The following MACROD2 variants were observed in gnomAD, a reference collection of about 807,000 sequenced individuals.
MACROD2 encodes ADP-ribose glycohydrolase MACROD2.
Under a neutral mutation model 70.4 loss-of-function variants are expected in MACROD2, and 36 were observed. The observed-to-expected ratio is 0.51, with a 90% CI of 0.39 to 0.68. The LOEUF (loss-of-function observed/expected upper bound fraction) is 0.68, where lower values mean the gene tolerates loss of function less well. Ranked by LOEUF, MACROD2 falls within the 30% of genes least tolerant of loss-of-function variation. The pLI is 0.00. For synonymous variants in MACROD2, 172 were observed against 178.8 expected (o/e 0.96, Z 0.30); for missense variants, 496 against 538.4 (o/e 0.92, Z 0.78).
At chr20:15,876,582 G>A (rs996718532) in intron 9 of MACROD2, among the ~76,000 whole-genome samples, 30 of 152,054 alleles carry the variant, frequency 2.0e-4, no homozygotes, top group African/African-American at 6.8e-4. Context: ...ATATGTGTGC[G>A]TGTGTCTTTA....
At chr20:15,139,819 C>G (rs1461935226) in intron 5 of MACROD2, among the ~76,000 whole-genome samples, 1 of 152,186 alleles carries the variant, frequency 6.6e-6, no homozygotes, top group African/African-American at 2.4e-5. Flanking sequence ...CGACACCACA[C>G]ATAGTCATTT....
chr20:15,387,605 G>T (rs1030658280), intron 6 of MACROD2, among the ~76,000 whole-genome samples: 3 of 147,550 alleles, frequency 2.0e-5, no homozygotes, highest in Admixed American at 1.4e-4. Flanking sequence ...AAGCTCTTTT[G>T]TTCCACCCTC....
At chr20:15,105,045 C>T (rs1174753863) in intron 5 of MACROD2, among the ~76,000 whole-genome samples, 1 of 152,074 alleles carries the variant, frequency 6.6e-6, no homozygotes, top group Admixed American at 6.6e-5. Context: ...TCCAAGTAAA[C>T]TGAAGAAGAC....
intron 3 of MACROD2, among the ~76,000 whole-genome samples, chr20:14,134,821 A>AAG (rs386393377): frequency 6.6e-6 from 1 of 151,410 alleles, no homozygotes; most frequent in Non-Finnish European, 1.5e-5. Context: ...AAAAAAAAAA[A>AAG]ACAGCTACAA....
intron 2 of MACROD2, among the ~76,000 whole-genome samples, chr20:14,071,511 C>T (rs551884540): frequency 2.0e-4 from 30 of 152,092 alleles, no homozygotes; most frequent in African/African-American, 7.0e-4. Context: ...CCACCTACCT[C>T]GGCCTCCCAA....
chr20:15,987,034 C>A (rs1568688757), intron 14 of MACROD2, 32 bp from the exon 15 acceptor site: 2 of 1,547,248 alleles, frequency 1.3e-6, no homozygotes, highest in Non-Finnish European at 8.8e-7. Flanking sequence ...ACTAAAACAA[C>A]CCTGAGTGTC....
intron 5 of MACROD2, among the ~76,000 whole-genome samples, chr20:15,078,118 T>C (rs559399274): frequency 5.9e-5 from 9 of 152,126 alleles, no homozygotes; most frequent in Non-Finnish European, 1.3e-4. Flanking sequence ...GGGGAGTTTA[T>C]CGGGTCCTGG....
chr20:15,943,252 A>G (rs892449361), intron 12 of MACROD2, among the ~76,000 whole-genome samples: 8 of 152,176 alleles, frequency 5.3e-5, no homozygotes, highest in Non-Finnish European at 7.4e-5. Context: ...TGTGGACTCA[A>G]AATTGCTCTG....
intron 3 of MACROD2, among the ~76,000 whole-genome samples, chr20:14,219,692 G>A (rs149882416): frequency 6.6e-6 from 1 of 152,344 alleles, no homozygotes; most frequent in African/African-American, 2.4e-5. Flanking sequence ...GAAGGCTGTT[G>A]TTCAGATTCT....
intron 6 of MACROD2, among the ~76,000 whole-genome samples, chr20:15,344,225 T>G (rs965684922): frequency 1.3e-5 from 2 of 152,206 alleles, no homozygotes; most frequent in African/African-American, 4.8e-5. Context: ...CTCTTCCTCC[T>G]ACTTTGGAGG....
intron 7 of MACROD2, 80 bp downstream of exon 7, chr20:15,431,515 G>T: frequency 7.8e-7 from 1 of 1,281,568 alleles, no homozygotes; most frequent in Non-Finnish European, 1.1e-6. Context: ...AAAATAAGAG[G>T]TTCTCTGATG....
At chr20:14,859,336 A>C (rs1036075814) in intron 5 of MACROD2, among the ~76,000 whole-genome samples, 2 of 152,182 alleles carry the variant, frequency 1.3e-5, no homozygotes, top group African/African-American at 2.4e-5. Flanking sequence ...TATAATAATC[A>C]TGATTGCTGG....
chr20:15,079,761 G>A (rs2075688446), intron 5 of MACROD2, among the ~76,000 whole-genome samples: 1 of 151,910 alleles, frequency 6.6e-6, no homozygotes, highest in Admixed American at 6.6e-5. Context: ...ACATGACTGG[G>A]GAAAAGCTCA....
chr20:14,828,709 A>G (rs2072928966), intron 5 of MACROD2, among the ~76,000 whole-genome samples: 1 of 152,102 alleles, frequency 6.6e-6, no homozygotes, highest in Admixed American at 6.6e-5. Context: ...AAGAGGTGAC[A>G]TTTGACACTT....
chr20:14,595,776 T>C (rs1193455545), intron 4 of MACROD2, among the ~76,000 whole-genome samples: 1 of 152,222 alleles, frequency 6.6e-6, no homozygotes, highest in Non-Finnish European at 1.5e-5. Flanking sequence ...GCTGACTAGC[T>C]GTTAAAATAC....
At chr20:14,566,419 A>G (rs1178232332) in intron 4 of MACROD2, 1 of 151,980 alleles carries the variant, frequency 6.6e-6, no homozygotes, top group Non-Finnish European at 1.5e-5. Context: ...GCTTGGCAGC[A>G]TAACAGGTCC....
intron 6 of MACROD2, among the ~76,000 whole-genome samples, chr20:15,279,271 CT>C (rs2077422091): frequency 6.6e-6 from 1 of 152,118 alleles, no homozygotes; most frequent in African/African-American, 2.4e-5. Flanking sequence ...TCACTGCTGC[CT>C]TCTTTACAAT....
chr20:14,971,502 T>C (rs1326392115), intron 5 of MACROD2, among the ~76,000 whole-genome samples: 1 of 152,182 alleles, frequency 6.6e-6, no homozygotes, highest in Non-Finnish European at 1.5e-5. Context: ...CCTTCTGTTC[T>C]AAGTATCTAT....
chr20:15,491,919 T>C (rs2047236452), intron 7 of MACROD2, among the ~76,000 whole-genome samples: 1 of 152,260 alleles, frequency 6.6e-6, no homozygotes, highest in South Asian at 2.1e-4. Flanking sequence ...TATGCCATGT[T>C]ATGTGTATAA....
Sources: allele counts gnomAD v4.1 joint callset (sites outside exome capture counted in the v4.1 genomes callset), GRCh38; gene constraint gnomAD v4.1.1; transcripts MANE v1.5; gene names NCBI Gene and HGNC (gene_info 2026-07-23, HGNC 2026-07-21).